KIAA1671: variants seen among roughly 807,000 people sequenced by gnomAD.
The protein encoded by KIAA1671 is uncharacterized protein KIAA1671.
KIAA1671 carries 52 observed loss-of-function variants against 131.2 expected under a neutral mutation model. The ratio of observed to expected loss-of-function variants is 0.40; its 90% CI spans 0.32 to 0.50. The LOEUF is 0.50. KIAA1671 is among the 20% of genes least tolerant of loss of function. KIAA1671 has a pLI of 0.73. For missense variants in KIAA1671, 2,360 were observed against 2,364.2 expected (o/e 1.00, Z 0.04); for synonymous variants, 1,003 against 961.6 (o/e 1.04, Z -0.80).
intron 8 of KIAA1671, chr22:25,175,041 A>C (rs1194102744): frequency 2.6e-5 from 4 of 152,526 alleles, no homozygotes; most frequent in African/African-American, 9.7e-5. Flanking sequence ...GACAGTCCCT[A>C]GCACTCAGCT....
chr22:25,028,612 C>A lies in KIAA1671; in HGVS notation c.613C>A (p.Pro205Thr), dbSNP rs13054858. 0.23 allele frequency: 326,242 copies of A among 1,394,034 alleles called. 35,420 individuals carry two copies. The highest frequency in any genetic ancestry group is 0.27 in the East Asian group (6,462 of 23,762). 86.4% of individuals were successfully genotyped at this position (1,394,034 alleles called of 1,614,324 possible). A position where few individuals can be genotyped will look rare whatever the true frequency, so the allele number is the denominator to read the frequency against. The change falls in exon 3 of 13, where the codon CCA becomes ACA. Residue 205 changes from proline to threonine, a missense_variant. Pro to Thr is a conservative substitution (Grantham distance 38, BLOSUM62 -1). Around this residue, in one of 3 missense-constraint regions of KIAA1671, gnomAD observed 1,185 missense variants for 1,126.2 expected, o/e 1.05. Coordinates refer to ENST00000358431, the MANE Select transcript of KIAA1671 (RefSeq NM_001145206.2). ...RSAPLSQDTK[P>T]PVPQEEAGQD... ...AGCTCCCCTGTCTCAGGACACAAAACCACCTGTACCCCAAGAGGAGGCAGG... is the reference window on the plus strand; with the variant it reads ...AGCTCCCCTGTCTCAGGACACAAAAACACCTGTACCCCAAGAGGAGGCAGG...
At chr22:25,079,735 G>A (rs1326776882) in intron 6 of KIAA1671, among the ~76,000 whole-genome samples, 1 of 152,160 alleles carries the variant, frequency 6.6e-6, no homozygotes, top group East Asian at 1.9e-4. Context: ...GAGCAGGGAG[G>A]TGACCATGCC....
intron 6 of KIAA1671, among the ~76,000 whole-genome samples, chr22:25,093,763 T>C (rs968674728): frequency 8.7e-6 from 1 of 114,790 alleles, no homozygotes; most frequent in Non-Finnish European, 1.9e-5. Flanking sequence ...TCTCTCTCTC[T>C]CTCTGTCTCT....
intron 6 of KIAA1671, among the ~76,000 whole-genome samples, chr22:25,139,695 A>C (rs1932778808): frequency 6.6e-6 from 1 of 152,206 alleles, no homozygotes; most frequent in Non-Finnish European, 1.5e-5. Flanking sequence ...AAAGTAAAGC[A>C]AAGTTGGGGA....
At chr22:25,181,260 A>G (rs1934263441) in intron 9 of KIAA1671, among the ~76,000 whole-genome samples, 1 of 152,220 alleles carries the variant, frequency 6.6e-6, no homozygotes, top group Non-Finnish European at 1.5e-5. Flanking sequence ...GGGTCAAGGA[A>G]AATGGCTTCC....
At chr22:25,037,340 T>C (rs1926662200) in intron 4 of KIAA1671, among the ~76,000 whole-genome samples, 1 of 152,056 alleles carries the variant, frequency 6.6e-6, no homozygotes, top group South Asian at 2.1e-4. Context: ...TGTATATATG[T>C]GTATATTGCA....
intron 6 of KIAA1671, among the ~76,000 whole-genome samples, chr22:25,088,283 T>C (rs1929840817): frequency 1.3e-5 from 2 of 152,072 alleles, no homozygotes; most frequent in African/African-American, 4.8e-5. Context: ...AATTTTTGTA[T>C]TCTTAGTAGA....
In KIAA1671 at chr22:25,181,899, T is replaced by C. The variant is rs908314741; in HGVS notation, c.5199+76T>C. On this transcript the variant is annotated intron_variant, in intron 10 of 12. Coordinates refer to ENST00000358431, the MANE Select transcript of KIAA1671 (RefSeq NM_001145206.2). ...AGCAGTGTAAAGAATAGATTCCGGC[T>C]GGGTGCAGTGGCTCACGCCTGTAAT... The C allele has an allele frequency of 5.1e-5, 75 of 1,481,378 alleles. No individual in the cohort carries two copies. The African/African-American group carries it at 5.3e-4, about 11-fold the overall frequency. The allele number at this position is 1,481,378 out of a possible 1,614,324, so 91.8% of individuals were successfully genotyped here.
At chr22:24,975,554 T>C (rs1922867633) in intron 1 of KIAA1671, among the ~76,000 whole-genome samples, 2 of 152,176 alleles carry the variant, frequency 1.3e-5, no homozygotes, top group Non-Finnish European at 2.9e-5. Context: ...GTGCTGAAAT[T>C]ACAGCTGTGA....
intron 6 of KIAA1671, among the ~76,000 whole-genome samples, chr22:25,088,520 G>C (rs1212587645): frequency 6.6e-6 from 1 of 152,232 alleles, no homozygotes; most frequent in Admixed American, 6.5e-5. Context: ...AGGGGTGACA[G>C]ACACATAAAT....
At chr22:25,118,325 T>A (rs1467490197) in intron 6 of KIAA1671, among the ~76,000 whole-genome samples, 3 of 152,070 alleles carry the variant, frequency 2.0e-5, no homozygotes, top group African/African-American at 4.8e-5. Flanking sequence ...TCTCCTTTCC[T>A]GTCTCTGGTA....
intron 10 of KIAA1671, 140 bp downstream of exon 10, chr22:25,181,963 A>T (rs5996848): frequency 1.2e-6 from 1 of 835,056 alleles, no homozygotes; most frequent in Non-Finnish European, 1.8e-6. Context: ...GGATCACGAG[A>T]TCAGGAGATC....
chr22:25,174,582 G>A (rs1292491554), intron 8 of KIAA1671, 93 bp downstream of exon 8: 5 of 1,394,392 alleles, frequency 3.6e-6, no homozygotes, highest in Non-Finnish European at 3.8e-6. Flanking sequence ...GTGTGCCAGG[G>A]ACCCTTGGAG....
At position 25,120,307 on chromosome 22, in the gene KIAA1671, G is replaced by T. The variant is rs1931869033; in HGVS notation, c.4531-50513G>T. 5.3e-5 allele frequency among the ~76,000 whole-genome samples: 8 copies of T among 152,234 alleles called. No individual in the cohort carries two copies. In the South Asian group the frequency reaches 1.4e-3, roughly 28 times the overall value. On this transcript the variant is annotated intron_variant, in intron 6 of 12. Coordinates refer to ENST00000358431, the MANE Select transcript of KIAA1671 (RefSeq NM_001145206.2). ...CCAGCATGATGTCACTTCATTCTCT[G>T]CTACAGTGTCGCCAGGCAGGCAGGA...
At chr22:24,992,771 C>T (rs1012561398) in intron 1 of KIAA1671, among the ~76,000 whole-genome samples, 9 of 133,772 alleles carry the variant, frequency 6.7e-5, no homozygotes, top group African/African-American at 1.7e-4. Flanking sequence ...GCCAAGATCA[C>T]GCCATTGCAC....
chr22:25,132,770 T>G (rs1361768348), intron 6 of KIAA1671, among the ~76,000 whole-genome samples: 1 of 152,186 alleles, frequency 6.6e-6, no homozygotes, highest in Non-Finnish European at 1.5e-5. Flanking sequence ...TTAATGAGTG[T>G]TCCATGGATA....
rs1175220756 is a variant in KIAA1671 at position 25,196,789 on chromosome 22, TA to T, written c.*4389del. On this transcript the variant is annotated 3_prime_UTR_variant, in exon 13 of 13. Transcript: ENST00000358431. ...CACATAGCCTTATAGATCCTGTAAA[TA>T]GGGGGGGTCACAAAAGTAATATATT... 3 of 141,722 alleles carry T rather than the reference TA, an allele frequency of 2.1e-5. No homozygotes were observed. Among genetic ancestry groups the T allele is most frequent in the Admixed American group, 6.9e-5 (1 of 14,536 alleles). The allele number at this position is 141,722 out of a possible 1,614,324, so 8.8% of individuals were successfully genotyped here. A position where few individuals can be genotyped will look rare whatever the true frequency, so the allele number is the denominator to read the frequency against.
intron 1 of KIAA1671, among the ~76,000 whole-genome samples, chr22:25,008,861 C>T (rs893011807): frequency 3.3e-5 from 5 of 152,236 alleles, no homozygotes; most frequent in Non-Finnish European, 5.9e-5. Context: ...GTCTCTTCAG[C>T]TACACAGAGG....
At chr22:24,989,448 T>G (rs1323635746) in intron 1 of KIAA1671, among the ~76,000 whole-genome samples, 2 of 152,220 alleles carry the variant, frequency 1.3e-5, no homozygotes, top group Non-Finnish European at 2.9e-5. Flanking sequence ...CCACCCTGAC[T>G]TCTTATAACC....
Sources: allele counts gnomAD v4.1 joint callset (sites outside exome capture counted in the v4.1 genomes callset), GRCh38; gene constraint gnomAD v4.1.1; regional missense constraint gnomAD v4.1.1; transcripts MANE v1.5; gene names NCBI Gene and HGNC (gene_info 2026-07-23, HGNC 2026-07-21).